Variants in RAPGEF4 observed in about 807,000 individuals in gnomAD.
RAPGEF4 encodes Rap guanine nucleotide exchange factor 4.
A neutral mutation model predicts 147.9 loss-of-function variants in RAPGEF4; 66 were observed. The observed-to-expected ratio is 0.45, with a 90% CI of 0.37 to 0.55. The LOEUF is 0.55. Among genes scored for constraint, RAPGEF4 ranks in the 20% least tolerant of loss-of-function variants. RAPGEF4 has a pLI of 0.00. For synonymous variants in RAPGEF4, 419 were observed against 442.7 expected (o/e 0.95, Z 0.67); for missense variants, 1,071 against 1,257.3 (o/e 0.85, Z 2.24).
intron 8 of RAPGEF4, among the ~76,000 whole-genome samples, chr2:172,962,563 T>C (rs1489283820): frequency 6.6e-6 from 1 of 152,106 alleles, no homozygotes; most frequent in African/African-American, 2.4e-5. Flanking sequence ...AAATTCTTCC[T>C]CTTCTGATTA....
intron 4 of RAPGEF4, among the ~76,000 whole-genome samples, chr2:172,883,266 G>A (rs1696819850): frequency 1.3e-5 from 2 of 152,170 alleles, no homozygotes; most frequent in South Asian, 2.1e-4. Context: ...TGCGGCTATC[G>A]AGGGCCTTCT....
chr2:172,805,420 A>T (rs757665754), intron 3 of RAPGEF4, among the ~76,000 whole-genome samples: 9 of 152,252 alleles, frequency 5.9e-5, no homozygotes, highest in Admixed American at 1.3e-4. Flanking sequence ...TCTTTCTATA[A>T]ATTATATTTA....
At chr2:172,983,458 C>G (rs370338558) in intron 10 of RAPGEF4, 38 bp from the exon 11 acceptor site, 348 of 1,579,296 alleles carry the variant, frequency 2.2e-4, no homozygotes, top group Non-Finnish European at 2.8e-4. Context: ...TAGTGATGCC[C>G]TTTTTCCATA....
At chr2:172,883,757 C>A (rs1696873747) in intron 4 of RAPGEF4, among the ~76,000 whole-genome samples, 1 of 152,026 alleles carries the variant, frequency 6.6e-6, no homozygotes, top group South Asian at 2.1e-4. Flanking sequence ...GGACTTAAGC[C>A]ACAGAATCAA....
intron 4 of RAPGEF4, among the ~76,000 whole-genome samples, chr2:172,845,697 G>A (rs574597414): frequency 1.4e-4 from 22 of 152,300 alleles, no homozygotes; most frequent in Admixed American, 1.2e-3. Flanking sequence ...TGCACATAAC[G>A]TGACATTTAC....
intron 17 of RAPGEF4, 49 bp downstream of exon 17, chr2:173,001,393 C>G (rs779354026): frequency 1.2e-6 from 2 of 1,610,622 alleles, no homozygotes; most frequent in African/African-American, 2.7e-5. Context: ...AAGACAACCC[C>G]CCCTATCGAG....
intron 1 of RAPGEF4, among the ~76,000 whole-genome samples, chr2:172,786,384 G>A (rs1267750598): frequency 6.6e-6 from 1 of 152,116 alleles, no homozygotes; most frequent in Non-Finnish European, 1.5e-5. Context: ...GATACTGTTG[G>A]CATTTTGCTC....
At chr2:173,019,511 A>G (rs897885468) in intron 22 of RAPGEF4, among the ~76,000 whole-genome samples, 1 of 152,232 alleles carries the variant, frequency 6.6e-6, no homozygotes, top group African/African-American at 2.4e-5. Context: ...CACATATTGT[A>G]GTGAGAGACT....
intron 6 of RAPGEF4, among the ~76,000 whole-genome samples, chr2:172,950,624 T>G (rs1377017740): frequency 1.3e-5 from 2 of 152,206 alleles, no homozygotes; most frequent in African/African-American, 2.4e-5. Flanking sequence ...TTAGAAAGTT[T>G]GAAGTGTGTT....
chr2:172,898,840 G>A (rs551082566), intron 4 of RAPGEF4, among the ~76,000 whole-genome samples: 3 of 152,260 alleles, frequency 2.0e-5, no homozygotes, highest in East Asian at 1.9e-4. Flanking sequence ...TGTGTGCCAC[G>A]TGTTTAGGTG....
At chr2:172,778,483 T>C (rs1684383877) in intron 1 of RAPGEF4, among the ~76,000 whole-genome samples, 1 of 152,208 alleles carries the variant, frequency 6.6e-6, no homozygotes, top group Admixed American at 6.5e-5. Flanking sequence ...CCAAGTATTG[T>C]GGGGCAGGAG....
At chr2:172,774,862 C>T (rs1286984740) in intron 1 of RAPGEF4, among the ~76,000 whole-genome samples, 1 of 152,088 alleles carries the variant, frequency 6.6e-6, no homozygotes, top group Non-Finnish European at 1.5e-5. Context: ...AGACATGTAC[C>T]AGTATTGTTG....
chr2:172,743,394 A>G (rs1574660760), intron 1 of RAPGEF4, among the ~76,000 whole-genome samples: 2 of 152,146 alleles, frequency 1.3e-5, no homozygotes, highest in African/African-American at 4.8e-5. Flanking sequence ...GAAGAAACAC[A>G]AAGTGCTGCC....
chr2:173,052,429 A>G lies in RAPGEF4; in HGVS notation c.*662A>G, dbSNP rs1388898904. Reference sequence around the variant, plus strand: ...AAATTTACAAATCAGGATTATATACATAAGAATTCCACTAAGAAATGCCAA... The same window carrying G: ...AAATTTACAAATCAGGATTATATACGTAAGAATTCCACTAAGAAATGCCAA... On this transcript the variant is annotated 3_prime_UTR_variant, in exon 31 of 31. Transcript: ENST00000397081. 3.9e-5 allele frequency: 6 copies of G among 152,664 alleles called. No homozygotes were observed. In the South Asian group the frequency reaches 8.3e-4, roughly 21 times the overall value. The allele number at this position is 152,664 out of a possible 1,614,324, so 9.5% of individuals were successfully genotyped here. A position where few individuals can be genotyped will look rare whatever the true frequency, so the allele number is the denominator to read the frequency against.
chr2:173,040,502 G>T (rs555110691), intron 29 of RAPGEF4, among the ~76,000 whole-genome samples: 1 of 152,298 alleles, frequency 6.6e-6, no homozygotes, highest in South Asian at 2.1e-4. Flanking sequence ...CTGGTGGGCT[G>T]GGTCCCCAGA....
At chr2:173,027,575 T>C (rs1416929560) in intron 25 of RAPGEF4, among the ~76,000 whole-genome samples, 1 of 152,232 alleles carries the variant, frequency 6.6e-6, no homozygotes, top group Non-Finnish European at 1.5e-5. Context: ...AGTTCCCTTA[T>C]ACTTCGAAAG....
intron 12 of RAPGEF4, among the ~76,000 whole-genome samples, chr2:172,987,668 C>T (rs950270348): frequency 3.9e-5 from 6 of 152,104 alleles, no homozygotes; most frequent in Non-Finnish European, 8.8e-5. Context: ...TTAAAGTATA[C>T]AAGAAGCTGT....
rs368848473 is a variant in RAPGEF4, at chr2:172,985,439, C to T, written c.1096C>T (p.Arg366Ter). Reference sequence around the variant, plus strand: ...TCTTCTGTTTTTCTTCTAGGTGAAACGAGAGTTAGCAGGTGTTCTCATTTT... The same window carrying T: ...TCTTCTGTTTTTCTTCTAGGTGAAATGAGAGTTAGCAGGTGTTCTCATTTT... ...ALSHLSTTVK[R>*]ELAGVLIFES... is the part of the protein sequence containing the mutation. The change falls in exon 12 of 31, where the codon CGA becomes TGA. Residue 366 changes from arginine (R) to a stop codon, truncating the protein, a stop_gained. Transcript: ENST00000397081. LOFTEE classifies it high-confidence loss of function. The T allele has an allele frequency of 4.3e-6, 7 of 1,613,744 alleles. No homozygotes were observed. Among genetic ancestry groups the T allele is most frequent in the Middle Eastern group, 1.7e-4 (1 of 6,060 alleles).
intron 6 of RAPGEF4, among the ~76,000 whole-genome samples, chr2:172,945,286 T>C (rs919096180): frequency 1.3e-5 from 2 of 152,182 alleles, no homozygotes; most frequent in African/African-American, 2.4e-5. Context: ...TTTAGGACTT[T>C]GATCATGTTT....
Sources: gnomAD v4.1 joint callset for allele counts (sites outside exome capture counted in the v4.1 genomes callset) on GRCh38, gnomAD v4.1.1 for gene constraint, MANE v1.5 for transcripts, NCBI Gene and HGNC (gene_info 2026-07-23, HGNC 2026-07-21) for gene names.